KCNN3: variants seen among roughly 807,000 people sequenced by gnomAD.
The protein encoded by KCNN3 is small conductance calcium-activated potassium channel protein 3.
A neutral mutation model predicts 62.9 loss-of-function variants in KCNN3; 16 were observed. The observed-to-expected ratio is 0.25, with a 90% CI of 0.17 to 0.39. The LOEUF is 0.39. Among genes scored for constraint, KCNN3 ranks in the 10% least tolerant of loss-of-function variants. KCNN3 has a pLI of 1.00. For synonymous variants in KCNN3, 370 were observed against 389.2 expected (o/e 0.95, Z 0.58); for missense variants, 599 against 949.4 (o/e 0.63, Z 4.85).
intron 1 of KCNN3, among the ~76,000 whole-genome samples, chr1:154,863,150 C>T (rs1217860135): frequency 6.6e-6 from 1 of 152,162 alleles, no homozygotes; most frequent in African/African-American, 2.4e-5. Flanking sequence ...CAGAAAGTAG[C>T]GTGGTCCCTG....
intron 3 of KCNN3, among the ~76,000 whole-genome samples, chr1:154,739,558 C>G (rs1003717845): frequency 6.6e-6 from 1 of 152,218 alleles, no homozygotes; most frequent in African/African-American, 2.4e-5. Context: ...TAGGAAGCTT[C>G]TAAAATGACC....
At chr1:154,787,199 C>T (rs777313972) in intron 2 of KCNN3, among the ~76,000 whole-genome samples, 1 of 152,370 alleles carries the variant, frequency 6.6e-6, no homozygotes, top group East Asian at 1.9e-4. Flanking sequence ...CTGAAAGCCG[C>T]GTTAGTCAGT....
rs1371226668 is a variant in KCNN3 at position 154,698,821 on chromosome 1, A to G, written c.*9155T>C. The G allele has an allele frequency of 6.6e-6, 1 of 152,178 alleles. No homozygotes were observed. Among genetic ancestry groups the G allele is most frequent in the African/African-American group, 2.4e-5 (1 of 41,412 alleles). The allele number at this position is 152,178 out of a possible 1,614,324, so 9.4% of individuals were successfully genotyped here. ...CTGTGTGTGTTACCAAAAGGAAGCC[A>G]TATTTGGAGCTGGTCTAAGCTCCAG... On this transcript the variant is annotated 3_prime_UTR_variant, in exon 8 of 8. Coordinates refer to ENST00000271915, the MANE Select transcript of KCNN3 (RefSeq NM_002249.6).
chr1:154,789,762 C>G (rs1649431525), intron 2 of KCNN3, among the ~76,000 whole-genome samples: 1 of 152,122 alleles, frequency 6.6e-6, no homozygotes, highest in South Asian at 2.1e-4. Context: ...ACATCCTAAG[C>G]CCACTGAAAA....
Position 154,705,273 on chromosome 1 carries a change from AG to A in KCNN3, c.*2702del, listed in dbSNP as rs1397952562. The A allele has an allele frequency of 4.6e-5, 7 of 152,256 alleles. No homozygotes were observed. Among genetic ancestry groups the A allele is most frequent in the Non-Finnish European group, 1.0e-4 (7 of 68,038 alleles). The allele number at this position is 152,256 out of a possible 1,614,324, so 9.4% of individuals were successfully genotyped here. On this transcript the variant is annotated 3_prime_UTR_variant, in exon 8 of 8. Transcript: ENST00000271915. The stretch of plus-strand genomic sequence containing the variant: ...AGAATAATTAATACTTAAGTCATCA[AG>A]GGTTGATTGTACTTGCAGGAGAACG...
rs1259181225 is a variant in KCNN3 at position 154,862,894 on chromosome 1, G to A, written c.933+6138C>T. Among the ~76,000 whole-genome samples, 2 of 152,172 alleles carry A rather than the reference G, an allele frequency of 1.3e-5. No homozygotes were observed. The highest frequency in any genetic ancestry group is 4.8e-5 in the African/African-American group (2 of 41,448). On this transcript the variant is annotated intron_variant, in intron 1 of 7. Transcript: ENST00000271915. This position sits in a 1 kb window ranked among gnomAD's most constrained non-coding sequence, Gnocchi z 4.1. The stretch of plus-strand genomic sequence containing the variant: ...TTCTCTTTTAAGGATATGGGCAGCA[G>A]CAGGCAAGGGAAAGGGCATGAACTT...
chr1:154,788,600 CAT>C (rs1649383805), intron 2 of KCNN3, among the ~76,000 whole-genome samples: 1 of 152,076 alleles, frequency 6.6e-6, no homozygotes, highest in Non-Finnish European at 1.5e-5. Flanking sequence ...TGAAGATTAC[CAT>C]AGTCTTCCTG....
chr1:154,832,030 A>G (rs1651396355), intron 1 of KCNN3, among the ~76,000 whole-genome samples: 1 of 152,006 alleles, frequency 6.6e-6, no homozygotes, highest in African/African-American at 2.4e-5. Flanking sequence ...CTCCCGGCCT[A>G]TGCTTACAGG....
intron 2 of KCNN3, among the ~76,000 whole-genome samples, chr1:154,786,652 G>T (rs1649293810): frequency 6.6e-6 from 1 of 152,134 alleles, no homozygotes; most frequent in Admixed American, 6.5e-5. Context: ...TTTTGTATAA[G>T]CACACACAAA....
In KCNN3 at chr1:154,707,982, A is replaced by T; in HGVS notation, c.2190T>A (p.Ser730Arg). The part of the protein sequence containing the change: ...SFPTPYTSSS[S>R]C ...CTGGAGTGGGGAGATTTATTTAGCA[A>T]CTGCTTGAACTTGTGTACGGGGTCG... Residue 730 changes from serine (S) to arginine (R), a missense_variant, in exon 8 of 8, where the codon AGT becomes AGA. Physicochemically the swap from Ser to Arg is moderately radical, Grantham distance 110 (BLOSUM62 -1). Coordinates refer to ENST00000271915, the MANE Select transcript of KCNN3 (RefSeq NM_002249.6). 1 of 1,613,380 alleles carries T rather than the reference A, an allele frequency of 6.2e-7. No individual in the cohort carries two copies. The highest frequency in any genetic ancestry group is 8.5e-7 in the Non-Finnish European group (1 of 1,179,630).
intron 3 of KCNN3, among the ~76,000 whole-genome samples, chr1:154,743,953 A>G (rs1700881701): frequency 6.6e-6 from 1 of 152,146 alleles, no homozygotes; most frequent in South Asian, 2.1e-4. Flanking sequence ...TATCCCAGAT[A>G]ATTTCAGGCC....
At chr1:154,766,669 T>C (rs1648303852) in intron 3 of KCNN3, among the ~76,000 whole-genome samples, 1 of 147,304 alleles carries the variant, frequency 6.8e-6, no homozygotes, top group Non-Finnish European at 1.5e-5. Flanking sequence ...TTCCTACTGT[T>C]TTGTTTTGGG....
rs568838613 is a variant in KCNN3 at position 154,855,983 on chromosome 1, C to T, written c.933+13049G>A. 5.9e-5 allele frequency among the ~76,000 whole-genome samples: 9 copies of T among 152,314 alleles called. No individual in the cohort carries two copies. In the South Asian group the frequency reaches 1.0e-3, roughly 18 times the overall value. On this transcript the variant is annotated intron_variant, in intron 1 of 7. Transcript: ENST00000271915. ...TTGAGTCAGACGTGGTGCCTCCTCCCGCTGCCACCCATGCTCCCTCTCCCC... is the reference window on the plus strand; with the variant it reads ...TTGAGTCAGACGTGGTGCCTCCTCCTGCTGCCACCCATGCTCCCTCTCCCC...
At chr1:154,826,093 A>AAC (rs1571314400) in intron 1 of KCNN3, among the ~76,000 whole-genome samples, 2 of 146,130 alleles carry the variant, frequency 1.4e-5, no homozygotes, top group East Asian at 3.9e-4. Flanking sequence ...AAACAAAAAA[A>AAC]ACCAAAAAAC....
chr1:154,724,673 G>T (rs1700423154), intron 5 of KCNN3, among the ~76,000 whole-genome samples: 1 of 152,128 alleles, frequency 6.6e-6, no homozygotes, highest in African/African-American at 2.4e-5. Context: ...ATTCAGTGGG[G>T]TGTCCAACTT....
chr1:154,737,228 G>T (rs2101798004), intron 3 of KCNN3: 2 of 531,250 alleles, frequency 3.8e-6, no homozygotes, highest in African/African-American at 1.9e-5. Context: ...ATAGCTCCAT[G>T]TTTTTCTTTA....
chr1:154,748,625 T>A (rs1700990482), intron 3 of KCNN3, among the ~76,000 whole-genome samples: 1 of 152,134 alleles, frequency 6.6e-6, no homozygotes, highest in Non-Finnish European at 1.5e-5. Flanking sequence ...AATTTAATCC[T>A]CAAAAAACAA....
rs929921120 is a variant in KCNN3 at position 154,699,016 on chromosome 1, T to C, written c.*8960A>G. 1 of 152,112 alleles carries C rather than the reference T, an allele frequency of 6.6e-6. No individual in the cohort carries two copies. The highest frequency in any genetic ancestry group is 2.4e-5 in the African/African-American group (1 of 41,410). 9.4% of individuals were successfully genotyped at this position (152,112 alleles called of 1,614,324 possible). ...GCCTTATGGGAACCACAGAAATGGA[T>C]TGAAATAAAACTTACAAAATCACTT... On this transcript the variant is annotated 3_prime_UTR_variant, in exon 8 of 8. Transcript: ENST00000271915.
intron 3 of KCNN3, among the ~76,000 whole-genome samples, chr1:154,748,924 A>G (rs1038766731): frequency 2.0e-5 from 3 of 152,158 alleles, no homozygotes; most frequent in African/African-American, 7.2e-5. Flanking sequence ...TAAAACATCA[A>G]TTGAGTGGCA....
Sources: gnomAD v4.1 joint callset for allele counts (sites outside exome capture counted in the v4.1 genomes callset) on GRCh38, gnomAD v4.1.1 for gene constraint, Gnocchi (gnomAD v3.1) non-coding constraint, MANE v1.5 for transcripts, NCBI Gene and HGNC (gene_info 2026-07-23, HGNC 2026-07-21) for gene names.